Variants in ASTN2 observed in about 807,000 individuals in gnomAD.
ASTN2 encodes the protein astrotactin-2.
In ASTN2, 54 loss-of-function variants were observed where a neutral mutation model predicts 139.8. The ratio of observed to expected loss-of-function variants is 0.39; its 90% CI spans 0.31 to 0.48. The LOEUF (loss-of-function observed/expected upper bound fraction) is 0.48. ASTN2 is among the 20% of genes least tolerant of loss of function. ASTN2 has a pLI of 0.95. For synonymous variants in ASTN2, 756 were observed against 719.5 expected (o/e 1.05, Z -0.81); for missense variants, 1,565 against 1,725.1 (o/e 0.91, Z 1.64).
intron 10 of ASTN2, among the ~76,000 whole-genome samples, chr9:116,954,664 T>TAAA (rs11380979): frequency 6.6e-6 from 1 of 151,542 alleles, no homozygotes; most frequent in East Asian, 1.9e-4. Context: ...CTTTATTTAT[T>TAAA]AAAAAAAAAC....
intron 1 of ASTN2, among the ~76,000 whole-genome samples, chr9:117,316,195 C>G (rs963288807): frequency 1.3e-5 from 2 of 152,194 alleles, no homozygotes; most frequent in African/African-American, 4.8e-5. Context: ...TTATGGGCTT[C>G]TGGAATCAGG....
chr9:116,928,197 C>T (rs1834808999), intron 10 of ASTN2, among the ~76,000 whole-genome samples: 1 of 152,116 alleles, frequency 6.6e-6, no homozygotes, highest in South Asian at 2.1e-4. Context: ...TCATAACAGC[C>T]CCCAGGGTAG....
intron 10 of ASTN2, among the ~76,000 whole-genome samples, chr9:116,878,804 GT>G (rs775944970): frequency 2.6e-5 from 4 of 151,638 alleles, no homozygotes; most frequent in Non-Finnish European, 5.9e-5. Context: ...AAAAGTTTCA[GT>G]GGCAAATGCT....
chr9:116,965,119 C>T (rs116536648), intron 10 of ASTN2, among the ~76,000 whole-genome samples: 2,608 of 152,288 alleles, frequency 0.017, 77 homozygotes, highest in African/African-American at 0.06. Context: ...ATGATGCTTT[C>T]CCCAGCTTAG....
chr9:117,007,398 C>T (rs1049068294), intron 7 of ASTN2, among the ~76,000 whole-genome samples: 18 of 152,146 alleles, frequency 1.2e-4, no homozygotes, highest in Admixed American at 1.2e-3. Flanking sequence ...AACAATGTAG[C>T]TGCTAGTGTG....
At chr9:116,998,909 C>A (rs1357767802) in intron 7 of ASTN2, among the ~76,000 whole-genome samples, 1 of 152,158 alleles carries the variant, frequency 6.6e-6, no homozygotes, top group African/African-American at 2.4e-5. Flanking sequence ...CATAAAAATC[C>A]TGTATCCCTT....
intron 2 of ASTN2, among the ~76,000 whole-genome samples, chr9:117,254,048 G>C (rs1224811210): frequency 6.6e-6 from 1 of 152,168 alleles, no homozygotes; most frequent in Admixed American, 6.5e-5. Context: ...GGCAGGGGAG[G>C]TGAAGGTGAA....
chr9:117,235,244 A>C (rs1029010065), intron 2 of ASTN2, among the ~76,000 whole-genome samples: 2 of 152,058 alleles, frequency 1.3e-5, no homozygotes, highest in African/African-American at 4.8e-5. Context: ...TCAATTAAAA[A>C]AAAAAAAAGG....
At chr9:116,687,743 G>A (rs1294331219) in intron 16 of ASTN2, among the ~76,000 whole-genome samples, 1 of 151,968 alleles carries the variant, frequency 6.6e-6, no homozygotes, top group Non-Finnish European at 1.5e-5. Context: ...GAGGGACCTG[G>A]GTGCAGAATT....
chr9:116,662,910 GC>G (rs1253436669), intron 16 of ASTN2, among the ~76,000 whole-genome samples: 4 of 152,164 alleles, frequency 2.6e-5, no homozygotes, highest in African/African-American at 9.7e-5. Flanking sequence ...GTGACAGACT[GC>G]AGTCGAAGGT....
intron 13 of ASTN2, among the ~76,000 whole-genome samples, chr9:116,791,800 C>T (rs1830567500): frequency 6.6e-6 from 1 of 152,096 alleles, no homozygotes; most frequent in South Asian, 2.1e-4. Flanking sequence ...CTCAGTGATT[C>T]AGATAGGCTT....
chr9:117,387,081 T>C, intron 1 of ASTN2, among the ~76,000 whole-genome samples: 1 of 152,048 alleles, frequency 6.6e-6, no homozygotes. Flanking sequence ...AACAGGAGAA[T>C]AGGAAAGTTC....
At chr9:117,372,601 C>T (rs545376906) in intron 1 of ASTN2, among the ~76,000 whole-genome samples, 1 of 152,022 alleles carries the variant, frequency 6.6e-6, no homozygotes, top group Non-Finnish European at 1.5e-5. Flanking sequence ...CAAAATGTTA[C>T]AAGAATTAAA....
chr9:117,255,280 G>A (rs1281421315), intron 2 of ASTN2, among the ~76,000 whole-genome samples: 5 of 152,160 alleles, frequency 3.3e-5, no homozygotes, highest in African/African-American at 1.2e-4. Context: ...TGTATGTCAG[G>A]TCTTGAACTA....
chr9:117,088,731 G>A (rs1828629548), intron 5 of ASTN2, among the ~76,000 whole-genome samples: 1 of 152,296 alleles, frequency 6.6e-6, no homozygotes, highest in South Asian at 2.1e-4. Context: ...AAGCTTAGAG[G>A]AAAGTACCTG....
chr9:116,869,707 T>G (rs535376721), intron 10 of ASTN2, among the ~76,000 whole-genome samples: 9 of 152,310 alleles, frequency 5.9e-5, no homozygotes, highest in Admixed American at 4.6e-4. Flanking sequence ...TCTTAGGCTT[T>G]GCAGGCCATA....
chr9:117,012,311 A>G (rs1022904373), intron 6 of ASTN2, among the ~76,000 whole-genome samples: 2 of 152,136 alleles, frequency 1.3e-5, no homozygotes, highest in Non-Finnish European at 2.9e-5. Flanking sequence ...TATTCACCCA[A>G]TGGGCTCATG....
chr9:117,138,991 T>G (rs1225467930), intron 4 of ASTN2, among the ~76,000 whole-genome samples: 1 of 152,124 alleles, frequency 6.6e-6, no homozygotes, highest in East Asian at 1.9e-4. Context: ...TTTGAAAAAT[T>G]CATTGACATA....
At chr9:116,567,421 C>T (rs758622228) in intron 19 of ASTN2, among the ~76,000 whole-genome samples, 4 of 152,168 alleles carry the variant, frequency 2.6e-5, no homozygotes, top group Non-Finnish European at 4.4e-5. Flanking sequence ...GGTGGGGCGC[C>T]AACAGCCTAT....
Sources: allele counts gnomAD v4.1 joint callset (sites outside exome capture counted in the v4.1 genomes callset), GRCh38; gene constraint gnomAD v4.1.1; transcripts MANE v1.5; gene names NCBI Gene and HGNC (gene_info 2026-07-23, HGNC 2026-07-21).